PTH1R: variants seen among roughly 807,000 people sequenced by gnomAD.
PTH1R encodes parathyroid hormone 1 receptor, also known as parathyroid hormone/parathyroid hormone-related peptide receptor.
A neutral mutation model predicts 70.7 loss-of-function variants in PTH1R; 32 were observed. The observed-to-expected ratio is 0.45, with a 90% CI of 0.34 to 0.61. The LOEUF (loss-of-function observed/expected upper bound fraction) is 0.61, where lower values mean the gene tolerates loss of function less well. Among genes scored for constraint, PTH1R ranks in the 20% least tolerant of loss-of-function variants. The pLI, the probability that PTH1R is intolerant of heterozygous loss-of-function variation, is 0.01. For synonymous variants in PTH1R, 329 were observed against 324.8 expected (o/e 1.01, Z -0.14); for missense variants, 626 against 792.5 (o/e 0.79, Z 2.52).
rs975589924 is a variant in PTH1R, at chr3:46,883,585, G to T, written c.26G>T (p.Gly9Val). 2 of 1,540,510 alleles carry T rather than the reference G, an allele frequency of 1.3e-6. No homozygotes were observed. Among genetic ancestry groups the T allele is most frequent in the Admixed American group, 2.0e-5 (1 of 50,952 alleles). The change falls in exon 3 of 16, where the codon GGC (glycine) becomes GTC (valine). Residue 9 changes from glycine (G) to valine (V), a missense_variant. By Grantham distance (109) the Gly-to-Val change is moderately radical. This residue lies in a region of PTH1R where 123 missense variants were observed against 125.7 expected (regional missense o/e 0.98). Coordinates refer to ENST00000449590, the MANE Select transcript of PTH1R (RefSeq NM_000316.3). The surrounding 1 kb of genome is among the most constrained non-coding windows in gnomAD (Gnocchi z 6.4). MGTARIAP[G>V]LALLLCCPVL... ...ATGGGGACCGCCCGGATCGCACCCG[G>T]CCTGGCGCTCCTGCTCTGCTGCCCC...
At chr3:46,894,269 C>T (rs540825860) in intron 4 of PTH1R, among the ~76,000 whole-genome samples, 2 of 152,118 alleles carry the variant, frequency 1.3e-5, no homozygotes, top group Admixed American at 6.5e-5. Flanking sequence ...TGATAGCTGT[C>T]GGGTTAATCT....
chr3:46,879,700 C>T lies in PTH1R; in HGVS notation c.-105-1362C>T, dbSNP rs1322517038. Among the ~76,000 whole-genome samples the T allele has an allele frequency of 2.6e-5, 4 of 152,104 alleles. No homozygotes were observed. Among genetic ancestry groups the T allele is most frequent in the East Asian group, 1.9e-4 (1 of 5,182 alleles). On this transcript the variant is annotated intron_variant, in intron 1 of 15. Coordinates refer to ENST00000449590, the MANE Select transcript of PTH1R (RefSeq NM_000316.3). The surrounding 1 kb of genome is among the most constrained non-coding windows in gnomAD (Gnocchi z 4.7). Reference sequence around the variant, plus strand: ...AGGTCAAGGCTGCTGTGAGCCATGACCGTGCCACTGCACTCCAGCCTGGGT... The same window carrying T: ...AGGTCAAGGCTGCTGTGAGCCATGATCGTGCCACTGCACTCCAGCCTGGGT...
chr3:46,886,600 G>A (rs190134594), intron 3 of PTH1R, among the ~76,000 whole-genome samples: 1,875 of 152,112 alleles, frequency 0.012, 20 homozygotes, highest in Non-Finnish European at 0.019. Flanking sequence ...CTCGTGATCC[G>A]CCCGCCTCGG....
chr3:46,893,258 G>A lies in PTH1R; in HGVS notation c.76-649G>A, dbSNP rs1383224033. 6.6e-6 allele frequency among the ~76,000 whole-genome samples: 1 copy of A among 152,006 alleles called. No individual in the cohort carries two copies. Among genetic ancestry groups the A allele is most frequent in the Non-Finnish European group, 1.5e-5 (1 of 67,994 alleles). On this transcript the variant is annotated intron_variant, in intron 3 of 15. Transcript: ENST00000449590. This position sits in a 1 kb window ranked among gnomAD's most constrained non-coding sequence, Gnocchi z 5.2. Reference sequence around the variant, plus strand: ...TCCCAGATAAGCAGTGGAATGAGAGGGACTCCCACCCCCAGCCAGCACCAG... The same window carrying A: ...TCCCAGATAAGCAGTGGAATGAGAGAGACTCCCACCCCCAGCCAGCACCAG...
intron 2 of PTH1R, among the ~76,000 whole-genome samples, chr3:46,881,709 C>G (rs2030578955): frequency 6.8e-6 from 1 of 146,788 alleles, no homozygotes; most frequent in Non-Finnish European, 1.5e-5. Flanking sequence ...GGGCAGGGGA[C>G]GAGGCGAGGG....
chr3:46,879,779 C>T lies in PTH1R; in HGVS notation c.-105-1283C>T, dbSNP rs1041121925. On this transcript the variant is annotated intron_variant, in intron 1 of 15. Transcript: ENST00000449590. The surrounding 1 kb of genome is among the most constrained non-coding windows in gnomAD (Gnocchi z 4.7). ...AAAAAATGCTGCGTGTGGTGGCTCA[C>T]GCTTGTAATCTCAACACTTTGGGAG... Among the ~76,000 whole-genome samples the T allele has an allele frequency of 2.0e-5, 3 of 150,026 alleles. No homozygotes were observed. The highest frequency in any genetic ancestry group is 4.9e-5 in the African/African-American group (2 of 40,566).
intron 2 of PTH1R, among the ~76,000 whole-genome samples, chr3:46,881,917 C>T (rs2030597758): frequency 6.6e-6 from 1 of 152,094 alleles, no homozygotes; most frequent in African/African-American, 2.4e-5. Flanking sequence ...CTTCTCGGCT[C>T]AGGGTCTCTA....
chr3:46,900,941 G>A, intron 10 of PTH1R, 84 bp from the exon 11 acceptor site: 1 of 1,454,344 alleles, frequency 6.9e-7, no homozygotes, highest in Admixed American at 2.0e-5. Flanking sequence ...GGTGGGGTAA[G>A]CTGGGGGTCA....
Position 46,902,393 on chromosome 3 carries a change from T to G in PTH1R, c.1212-133T>G. 2.4e-6 allele frequency: 3 copies of G among 1,230,252 alleles called. No homozygotes were observed. In the South Asian group the frequency reaches 3.9e-5, roughly 16 times the overall value. 76.2% of individuals were successfully genotyped at this position (1,230,252 alleles called of 1,614,324 possible). On this transcript the variant is annotated intron_variant, in intron 13 of 15. Coordinates refer to ENST00000449590, the MANE Select transcript of PTH1R (RefSeq NM_000316.3). This position sits in a 1 kb window ranked among gnomAD's most constrained non-coding sequence, Gnocchi z 5.4. ...CAGCAGCCATGCAGGTGAACTGGGT[T>G]GTCCTCCCATGGTGACTGGAGCCCT...
Position 46,903,555 on chromosome 3 carries a change from G to C in PTH1R, c.1681G>C (p.Asp561His), listed in dbSNP as rs756330580. 1 of 1,613,958 alleles carries C rather than the reference G, an allele frequency of 6.2e-7. No homozygotes were observed. The highest frequency in any genetic ancestry group is 1.1e-5 in the South Asian group (1 of 91,078). Residue 561 changes from aspartate (D) to histidine (H), a missense_variant, in exon 16 of 16, where the codon GAT (aspartate) becomes CAT (histidine). By Grantham distance (81) the Asp-to-His change is moderately conservative. Transcript: ENST00000449590. The surrounding 1 kb of genome is among the most constrained non-coding windows in gnomAD (Gnocchi z 4.4). ...TPPAMAAPKD[D>H]GFLNGSCSGL... ...ACCTGCCATGGCTGCTCCCAAGGAC[G>C]ATGGGTTCCTCAACGGCTCCTGCTC...
intron 3 of PTH1R, among the ~76,000 whole-genome samples, chr3:46,888,855 C>T (rs964687980): frequency 1.3e-5 from 2 of 152,264 alleles, no homozygotes; most frequent in African/African-American, 2.4e-5. Context: ...GCCCCGAAGG[C>T]GGCCACGCTG....
chr3:46,898,517 G>A, intron 8 of PTH1R, 45 bp downstream of exon 8: 1 of 1,607,628 alleles, frequency 6.2e-7, no homozygotes, highest in Non-Finnish European at 8.5e-7. Context: ...GTGGAGGGGG[G>A]GCGGTGGCCG....
chr3:46,901,944 C>G lies in PTH1R; in HGVS notation c.1211+84C>G, dbSNP rs1182581017. The G allele has an allele frequency of 2.2e-6, 3 of 1,363,436 alleles. No homozygotes were observed. Among genetic ancestry groups the G allele is most frequent in the Non-Finnish European group, 2.1e-6 (2 of 963,452 alleles). 84.5% of individuals were successfully genotyped at this position (1,363,436 alleles called of 1,614,324 possible). Reference sequence around the variant, plus strand: ...ATGTACCCCAGGAAAGACAGTGGCCCCATGAATGATCCTGGGGCAAGGGAA... The same window carrying G: ...ATGTACCCCAGGAAAGACAGTGGCCGCATGAATGATCCTGGGGCAAGGGAA... On this transcript the variant is annotated intron_variant, in intron 13 of 15. Transcript: ENST00000449590. This position sits in a 1 kb window ranked among gnomAD's most constrained non-coding sequence, Gnocchi z 7.3.
Position 46,903,534 on chromosome 3 carries a change from G to T in PTH1R, c.1660G>T (p.Ala554Ser). Residue 554 changes from alanine to serine, a missense_variant, in exon 16 of 16, where the codon GCC becomes TCC. Around this residue, in one of 3 missense-constraint regions of PTH1R, gnomAD observed 495 missense variants for 638.7 expected, o/e 0.77. Coordinates refer to ENST00000449590, the MANE Select transcript of PTH1R (RefSeq NM_000316.3). This position sits in a 1 kb window ranked among gnomAD's most constrained non-coding sequence, Gnocchi z 4.4. ...ALETLETTPP[A>S]MAAPKDDGFL... ...GGAGACCCTCGAGACCACACCACCT[G>T]CCATGGCTGCTCCCAAGGACGATGG... 6.2e-7 allele frequency: 1 copy of T among 1,614,012 alleles called. No homozygotes were observed. Among genetic ancestry groups the T allele is most frequent in the African/African-American group, 1.3e-5 (1 of 75,064 alleles).
At position 46,882,925 on chromosome 3, in the gene PTH1R, G is replaced by T. The variant is rs2030711409; in HGVS notation, c.-48-587G>T. Among the ~76,000 whole-genome samples, 2 of 151,904 alleles carry T rather than the reference G, an allele frequency of 1.3e-5. No individual in the cohort carries two copies. Among genetic ancestry groups the T allele is most frequent in the Admixed American group, 6.5e-5 (1 of 15,282 alleles). On this transcript the variant is annotated intron_variant, in intron 2 of 15. Transcript: ENST00000449590. This position sits in a 1 kb window ranked among gnomAD's most constrained non-coding sequence, Gnocchi z 4.3. Reference sequence around the variant, plus strand: ...GGGCTGGCGGCCGGAACACCTAAGGGCTCAGTGTGGCTGCAAAGTTGAGAT... The same window carrying T: ...GGGCTGGCGGCCGGAACACCTAAGGTCTCAGTGTGGCTGCAAAGTTGAGAT...
At chr3:46,880,148 C>T (rs1170991970) in intron 1 of PTH1R, 1 of 152,254 alleles carries the variant, frequency 6.6e-6, no homozygotes, top group East Asian at 1.9e-4. Flanking sequence ...CCCAAGGAGG[C>T]TACATACCAT....
In PTH1R at chr3:46,901,933, A is replaced by G. The variant is rs756284096; in HGVS notation, c.1211+73A>G. ...GTCCTGGTACCATGTACCCCAGGAAAGACAGTGGCCCCATGAATGATCCTG... is the reference window on the plus strand; with the variant it reads ...GTCCTGGTACCATGTACCCCAGGAAGGACAGTGGCCCCATGAATGATCCTG... On this transcript the variant is annotated intron_variant, in intron 13 of 15. Transcript: ENST00000449590. The surrounding 1 kb of genome is among the most constrained non-coding windows in gnomAD (Gnocchi z 7.3). 1,004 of 1,422,400 alleles carry G rather than the reference A, an allele frequency of 7.1e-4. 12 individuals are homozygous for G. The highest frequency in any genetic ancestry group is 8.9e-4 in the Middle Eastern group (5 of 5,636). 88.1% of individuals were successfully genotyped at this position (1,422,400 alleles called of 1,614,324 possible).
At chr3:46,894,059 G>C in intron 4 of PTH1R, 50 bp downstream of exon 4, 1 of 1,573,170 alleles carries the variant, frequency 6.4e-7, no homozygotes, top group Non-Finnish European at 8.7e-7. Context: ...TGAGGGAGGG[G>C]CCAGTCAAGG....
At chr3:46,899,722 C>A (rs1371623577) in intron 10 of PTH1R, among the ~76,000 whole-genome samples, 2 of 152,174 alleles carry the variant, frequency 1.3e-5, no homozygotes, top group Non-Finnish European at 2.9e-5. Context: ...ACCATCAGGC[C>A]AAGATTCAGC....
Sources: allele counts gnomAD v4.1 joint callset (sites outside exome capture counted in the v4.1 genomes callset), GRCh38; gene constraint gnomAD v4.1.1; regional missense constraint gnomAD v4.1.1; non-coding constraint Gnocchi (gnomAD v3.1); transcripts MANE v1.5; gene names NCBI Gene and HGNC (gene_info 2026-07-23, HGNC 2026-07-21).